Variants in ITFG1 observed in about 807,000 individuals in gnomAD.
The protein encoded by ITFG1 is integrin alpha FG-GAP repeat containing 1.
ITFG1 carries 34 observed loss-of-function variants against 81.8 expected under a neutral mutation model. The ratio of observed to expected loss-of-function variants is 0.42; its 90% CI spans 0.32 to 0.55. The LOEUF is 0.55. Among genes scored for constraint, ITFG1 ranks in the 20% least tolerant of loss-of-function variants. The pLI is 0.17. For missense variants in ITFG1, 672 were observed against 755.4 expected, an observed-to-expected ratio of 0.89 and a Z score of 1.29; for synonymous variants, 285 against 270.6, an observed-to-expected ratio of 1.05 and a Z score of -0.52.
chr16:47,339,947 AT>A (rs935290897), intron 8 of ITFG1, among the ~76,000 whole-genome samples: 1 of 152,130 alleles, frequency 6.6e-6, no homozygotes, highest in Admixed American at 6.5e-5. Context: ...GAGAAAGAAA[AT>A]TTTGAGAACA....
At chr16:47,377,363 A>C (rs1045676892) in intron 6 of ITFG1, among the ~76,000 whole-genome samples, 1 of 152,098 alleles carries the variant, frequency 6.6e-6, no homozygotes, top group Non-Finnish European at 1.5e-5. Context: ...ATGCACTCCC[A>C]ATGACGTGTT....
At chr16:47,315,392 T>A (rs1255847601) in intron 8 of ITFG1, among the ~76,000 whole-genome samples, 1 of 151,736 alleles carries the variant, frequency 6.6e-6, no homozygotes, top group Non-Finnish European at 1.5e-5. Context: ...CTGGCTCAAG[T>A]GATAACATAG....
At chr16:47,378,351 G>T (rs1020501188) in intron 6 of ITFG1, among the ~76,000 whole-genome samples, 1 of 152,208 alleles carries the variant, frequency 6.6e-6, no homozygotes, top group Non-Finnish European at 1.5e-5. Flanking sequence ...TAGCGTCATG[G>T]GATTAGAAGA....
chr16:47,321,703 C>A (rs1436301988), intron 8 of ITFG1, among the ~76,000 whole-genome samples: 2 of 152,092 alleles, frequency 1.3e-5, no homozygotes, highest in African/African-American at 4.8e-5. Flanking sequence ...CTATCATTTA[C>A]AAACATACAC....
intron 12 of ITFG1, among the ~76,000 whole-genome samples, chr16:47,240,687 A>C (rs1169184538): frequency 6.6e-6 from 1 of 152,248 alleles, no homozygotes; most frequent in Non-Finnish European, 1.5e-5. Context: ...AAATATGGTA[A>C]ATACATAAAA....
chr16:47,170,306 G>A (rs555380855), intron 14 of ITFG1, among the ~76,000 whole-genome samples: 1 of 152,246 alleles, frequency 6.6e-6, no homozygotes, highest in African/African-American at 2.4e-5. Flanking sequence ...CAGCCATCTG[G>A]TCCCTGAGTT....
At chr16:47,241,953 CAAA>C (rs35881563) in intron 12 of ITFG1, among the ~76,000 whole-genome samples, 6 of 87,146 alleles carry the variant, frequency 6.9e-5, no homozygotes, top group Admixed American at 1.3e-4. Context: ...GACTCCGTCT[CAAA>C]AAAAAAAAAA....
At chr16:47,358,972 G>C (rs1968075091) in intron 8 of ITFG1, among the ~76,000 whole-genome samples, 1 of 152,082 alleles carries the variant, frequency 6.6e-6, no homozygotes, top group Admixed American at 6.6e-5. Context: ...AGGGTTTACA[G>C]TTTTAAATAG....
At chr16:47,414,801 T>C (rs1287223993) in intron 6 of ITFG1, among the ~76,000 whole-genome samples, 1 of 152,218 alleles carries the variant, frequency 6.6e-6, no homozygotes, top group African/African-American at 2.4e-5. Context: ...ACCTTAATTA[T>C]ACTACTTTTA....
At chr16:47,425,190 T>G (rs903407349) in intron 6 of ITFG1, among the ~76,000 whole-genome samples, 2 of 152,142 alleles carry the variant, frequency 1.3e-5, no homozygotes, top group Non-Finnish European at 2.9e-5. Flanking sequence ...GCATCGCAGG[T>G]TGATCTCAGA....
intron 9 of ITFG1, among the ~76,000 whole-genome samples, 189 bp from the exon 10 acceptor site, chr16:47,311,601 C>T (rs1967263306): frequency 6.6e-6 from 1 of 151,866 alleles, no homozygotes; most frequent in Admixed American, 6.6e-5. Context: ...AAAAAAAGTA[C>T]TTTCCCTTAG....
chr16:47,399,988 C>T (rs953502616), intron 6 of ITFG1, among the ~76,000 whole-genome samples: 2 of 152,160 alleles, frequency 1.3e-5, no homozygotes, highest in Admixed American at 6.5e-5. Flanking sequence ...GATTATGCTC[C>T]AGATACTGTA....
At chr16:47,269,950 G>C (rs1966320146) in intron 10 of ITFG1, among the ~76,000 whole-genome samples, 3 of 152,278 alleles carry the variant, frequency 2.0e-5, no homozygotes, top group Non-Finnish European at 2.9e-5. Flanking sequence ...GAACAGAAAA[G>C]AGAATGAAGA....
intron 6 of ITFG1, among the ~76,000 whole-genome samples, chr16:47,411,102 C>T (rs1968805197): frequency 6.6e-6 from 1 of 152,194 alleles, no homozygotes; most frequent in Non-Finnish European, 1.5e-5. Context: ...GCTGCAGGTT[C>T]AGGCCCCAGG....
rs774300826 is a variant in ITFG1, at chr16:47,311,388, T to C, written c.922A>G (p.Ser308Gly). Residue 308 changes from serine to glycine, a missense_variant, in exon 10 of 18, where the codon AGC (serine) becomes GGC (glycine). Physicochemically the swap from Ser to Gly is moderately conservative, Grantham distance 56. Around this residue, in one of 3 missense-constraint regions of ITFG1, gnomAD observed 560 missense variants for 625.7 expected, o/e 0.90. Transcript: ENST00000320640. The part of the protein sequence containing the change: ...KQWVPVLQDF[S>G]NKGTLWGFVP... ...AAGCCCCAGAGTGTGCCCTTATTGC[T>C]GAAATCTTGTAGGACTGGAACCCAC... 5.6e-6 allele frequency: 9 copies of C among 1,612,868 alleles called. No individual in the cohort carries two copies. The African/African-American group carries it at 9.3e-5, about 17-fold the overall frequency.
intron 10 of ITFG1, among the ~76,000 whole-genome samples, chr16:47,270,734 G>A (rs1403196334): frequency 6.6e-6 from 1 of 152,156 alleles, no homozygotes; most frequent in Non-Finnish European, 1.5e-5. Flanking sequence ...AATAAGCAAA[G>A]AGCTAAAGAT....
chr16:47,301,324 G>A (rs1967072483), intron 10 of ITFG1, among the ~76,000 whole-genome samples: 2 of 149,968 alleles, frequency 1.3e-5, no homozygotes, highest in South Asian at 4.2e-4. Flanking sequence ...GCCTTACTGA[G>A]TCTGTGTTGA....
intron 14 of ITFG1, among the ~76,000 whole-genome samples, chr16:47,168,485 C>T (rs1407451090): frequency 6.6e-6 from 1 of 151,836 alleles, no homozygotes; most frequent in African/African-American, 2.4e-5. Context: ...GTGATCCCAG[C>T]TCAGCTTCCC....
At chr16:47,324,717 A>C (rs1192779223) in intron 8 of ITFG1, among the ~76,000 whole-genome samples, 1 of 152,200 alleles carries the variant, frequency 6.6e-6, no homozygotes, top group East Asian at 1.9e-4. Context: ...TAAACCAACA[A>C]AGATCAAAAG....
Sources: allele counts gnomAD v4.1 joint callset (sites outside exome capture counted in the v4.1 genomes callset), GRCh38; gene constraint gnomAD v4.1.1; regional missense constraint gnomAD v4.1.1; transcripts MANE v1.5; gene names NCBI Gene and HGNC (gene_info 2026-07-23, HGNC 2026-07-21).